The following EYS variants were observed in gnomAD, a reference collection of about 807,000 sequenced individuals.
EYS encodes the protein protein eyes shut homolog.
EYS carries 250 observed loss-of-function variants against 282.1 expected under a neutral mutation model. That is an observed-to-expected ratio of 0.89 (90% CI 0.80 to 0.98). The LOEUF is 0.98. EYS is among the 50% of genes least tolerant of loss of function. EYS has a pLI of 0.00. For synonymous variants in EYS, 1,355 were observed against 1,282.9 expected, an observed-to-expected ratio of 1.06 and a Z score of -1.20; for missense variants, 4,016 against 3,709.0, an observed-to-expected ratio of 1.08 and a Z score of -2.15.
At chr6:65,422,735 C>T (rs561471349) in intron 5 of EYS, among the ~76,000 whole-genome samples, 15 of 151,698 alleles carry the variant, frequency 9.9e-5, no homozygotes, top group Non-Finnish European at 1.2e-4. Flanking sequence ...ACTTTGGAAA[C>T]AATGTGTTAT....
Position 65,653,471 on chromosome 6 carries a change from T to C in EYS, c.-447-13579A>G, listed in dbSNP as rs148145285. ...TGATTTCAGAGCCCCATTAGGATAC[T>C]GGTGCCACTGAGACAATTAAATTTC... On this transcript the variant is annotated intron_variant, in intron 1 of 42. Coordinates refer to ENST00000503581, the MANE Select transcript of EYS (RefSeq NM_001142800.2). 6.3e-3 allele frequency among the ~76,000 whole-genome samples: 958 copies of C among 152,102 alleles called. 11 individuals carry two copies. The highest frequency in any genetic ancestry group is 0.022 in the African/African-American group (903 of 41,550).
intron 22 of EYS, among the ~76,000 whole-genome samples, chr6:64,635,543 A>T (rs1380203135): frequency 6.6e-6 from 1 of 152,184 alleles, no homozygotes; most frequent in African/African-American, 2.4e-5. Context: ...GTAGTTGTTG[A>T]ATTTTGTCAA....
chr6:63,987,463 T>C (rs1767420585), intron 34 of EYS, among the ~76,000 whole-genome samples: 1 of 151,688 alleles, frequency 6.6e-6, no homozygotes, highest in South Asian at 2.1e-4. Context: ...ATTTCTACTT[T>C]CCCACCCTCA....
chr6:64,137,412 G>A (rs1265011544), intron 31 of EYS, among the ~76,000 whole-genome samples: 2 of 152,106 alleles, frequency 1.3e-5, no homozygotes, highest in Non-Finnish European at 2.9e-5. Flanking sequence ...GCTAAGTAGT[G>A]CAAGAGACCT....
At chr6:64,956,474 A>C (rs1769704242) in intron 14 of EYS, among the ~76,000 whole-genome samples, 1 of 152,240 alleles carries the variant, frequency 6.6e-6, no homozygotes, top group African/African-American at 2.4e-5. Context: ...CTAAGACCTC[A>C]GACTATGTAA....
intron 19 of EYS, among the ~76,000 whole-genome samples, chr6:64,851,847 A>G (rs892153677): frequency 5.3e-5 from 8 of 152,004 alleles, no homozygotes; most frequent in African/African-American, 1.9e-4. Flanking sequence ...ACTAATGACT[A>G]CTAGGCTTAA....
chr6:64,831,129 A>T (rs1207842068), intron 19 of EYS, among the ~76,000 whole-genome samples: 1 of 151,998 alleles, frequency 6.6e-6, no homozygotes, highest in Non-Finnish European at 1.5e-5. Flanking sequence ...GAAAGTAGTC[A>T]CTGATAACTC....
At chr6:64,895,040 A>G (rs536717936) in intron 18 of EYS, among the ~76,000 whole-genome samples, 2 of 152,248 alleles carry the variant, frequency 1.3e-5, no homozygotes, top group East Asian at 3.9e-4. Flanking sequence ...GCAATTCTCT[A>G]TTCCTGTGGT....
At chr6:64,875,934 T>G (rs1381817927) in intron 19 of EYS, among the ~76,000 whole-genome samples, 2 of 152,024 alleles carry the variant, frequency 1.3e-5, no homozygotes, top group African/African-American at 4.8e-5. Flanking sequence ...TATCTTATTT[T>G]GTAGAGTATA....
rs1447875666 is a variant in EYS, at chr6:65,366,525, C to T, written c.1300-12908G>A. The stretch of plus-strand genomic sequence containing the variant: ...ATACATTTTTAGAGAGGACCTATCA[C>T]CATATTTACATTCAAATTTATGTGT... On this transcript the variant is annotated intron_variant, in intron 8 of 42. Transcript: ENST00000503581. Among the ~76,000 whole-genome samples the T allele has an allele frequency of 7.3e-5, 11 of 151,648 alleles. 1 individual carries two copies. The highest frequency in any genetic ancestry group is 6.7e-4 in the Admixed American group (10 of 14,926).
In EYS at chr6:64,998,616, A is replaced by T. The variant is rs1351966924; in HGVS notation, c.2138-913T>A. On this transcript the variant is annotated intron_variant, in intron 13 of 42. Coordinates refer to ENST00000503581, the MANE Select transcript of EYS (RefSeq NM_001142800.2). ...ACAAGTGAAATACACAAGAATAGGC[A>T]GCTCCTTAGACAGGATTTTACTTCT... Among the ~76,000 whole-genome samples, 4 of 152,218 alleles carry T rather than the reference A, an allele frequency of 2.6e-5. No homozygotes were observed. The South Asian group carries it at 8.3e-4, about 32-fold the overall frequency.
At chr6:65,627,203 T>G (rs16896954) in intron 2 of EYS, among the ~76,000 whole-genome samples, 4,636 of 152,326 alleles carry the variant, frequency 0.03, 290 homozygotes, top group East Asian at 0.29. Flanking sequence ...AAAGGCAATT[T>G]GTATTACGCA....
chr6:64,842,401 G>A (rs1765589007), intron 19 of EYS, among the ~76,000 whole-genome samples: 1 of 151,802 alleles, frequency 6.6e-6, no homozygotes, highest in Non-Finnish European at 1.5e-5. Context: ...ATAATTCCGT[G>A]TTGTGGGAGG....
chr6:65,428,157 A>C (rs1767735178), intron 5 of EYS, among the ~76,000 whole-genome samples: 1 of 152,102 alleles, frequency 6.6e-6, no homozygotes. Context: ...CTTGCTCATC[A>C]ATTCTCAAAG....
At chr6:64,632,450 A>G (rs1767814959) in intron 22 of EYS, among the ~76,000 whole-genome samples, 1 of 152,078 alleles carries the variant, frequency 6.6e-6, no homozygotes, top group African/African-American at 2.4e-5. Context: ...TGCTGTAGCC[A>G]AAAATTTTGA....
intron 2 of EYS, among the ~76,000 whole-genome samples, chr6:65,606,646 A>G (rs889283837): frequency 2.0e-5 from 3 of 151,838 alleles, no homozygotes; most frequent in Admixed American, 2.0e-4. Context: ...TCTATAACAA[A>G]TACAACTGGC....
intron 13 of EYS, among the ~76,000 whole-genome samples, chr6:65,003,623 C>G (rs1771539316): frequency 6.8e-6 from 1 of 147,270 alleles, no homozygotes; most frequent in South Asian, 2.2e-4. Flanking sequence ...TGGGGCATCA[C>G]AGAACCTACC....
chr6:64,380,808 G>A (rs1265618465), intron 29 of EYS, among the ~76,000 whole-genome samples: 1 of 152,102 alleles, frequency 6.6e-6, no homozygotes, highest in East Asian at 1.9e-4. Flanking sequence ...GTGAAGTCAG[G>A]AGTTCGAGAC....
chr6:64,202,417 T>A (rs569859137), intron 31 of EYS, among the ~76,000 whole-genome samples: 40 of 152,298 alleles, frequency 2.6e-4, no homozygotes, highest in African/African-American at 9.1e-4. Flanking sequence ...TTCTTGTTTA[T>A]TTTTTAGAAA....
Sources: allele counts gnomAD v4.1 joint callset (sites outside exome capture counted in the v4.1 genomes callset), GRCh38; gene constraint gnomAD v4.1.1; transcripts MANE v1.5; gene names NCBI Gene and HGNC (gene_info 2026-07-23, HGNC 2026-07-21).